NELL2: variants seen among roughly 807,000 people sequenced by gnomAD.
The protein encoded by NELL2 is protein kinase C-binding protein NELL2.
A neutral mutation model predicts 109.6 loss-of-function variants in NELL2; 41 were observed. That is an observed-to-expected ratio of 0.37 (90% CI 0.29 to 0.49). The LOEUF (loss-of-function observed/expected upper bound fraction) is 0.49, where lower values mean the gene tolerates loss of function less well. NELL2 is among the 20% of genes least tolerant of loss of function. The probability of loss-of-function intolerance (pLI) is 0.98; values close to 1 mark genes in which losing one functional copy is unlikely to be tolerated. For missense variants in NELL2, 900 were observed against 1,008.3 expected, an observed-to-expected ratio of 0.89 and a Z score of 1.45; for synonymous variants, 355 against 344.7, an observed-to-expected ratio of 1.03 and a Z score of -0.33.
At chr12:44,827,463 G>T in intron 2 of NELL2, among the ~76,000 whole-genome samples, 1 of 136,898 alleles carries the variant, frequency 7.3e-6, no homozygotes. Context: ...CTTATCACTG[G>T]CCCCCACCCA....
At chr12:44,724,946 G>C (rs1050929981) in intron 9 of NELL2, among the ~76,000 whole-genome samples, 2 of 151,782 alleles carry the variant, frequency 1.3e-5, no homozygotes, top group Admixed American at 6.6e-5. Context: ...AGAATACAGA[G>C]CCCAGAAATA....
Position 44,665,595 on chromosome 12 carries a change from C to G in NELL2, c.1333G>C (p.Ala445Pro), listed in dbSNP as rs1247938849. ...TCACGACAGTAATGGCGCCCTTCAG[C>G]ACACTCATCGATGTCTGTGAAGAAA... is the stretch of plus-strand genomic sequence containing the variant. ...NAYCEDIDEC[A>P]EGRHYCRENT... Residue 445 changes from alanine (A) to proline (P), a missense_variant, in exon 13 of 20, where the codon GCT becomes CCT. Physicochemically the swap from Ala to Pro is conservative, Grantham distance 27. This residue lies in a region of NELL2 where 292 missense variants were observed against 265.3 expected (regional missense o/e 1.10). Transcript: ENST00000429094. The G allele has an allele frequency of 5.6e-6, 9 of 1,612,792 alleles. No individual in the cohort carries two copies. In the African/African-American group the frequency reaches 1.2e-4, roughly 22 times the overall value.
chr12:44,654,150 T>C (rs573301070), intron 13 of NELL2, among the ~76,000 whole-genome samples: 2 of 152,332 alleles, frequency 1.3e-5, no homozygotes, highest in South Asian at 4.1e-4. Context: ...AATTGTACCA[T>C]ACTGTGCTGT....
chr12:44,524,313 T>C (rs969936017), intron 16 of NELL2, among the ~76,000 whole-genome samples: 10 of 152,194 alleles, frequency 6.6e-5, no homozygotes, highest in Non-Finnish European at 1.2e-4. Context: ...GGATTCATTT[T>C]TATTTACCCC....
chr12:44,587,374 A>T (rs1295694218), intron 15 of NELL2, among the ~76,000 whole-genome samples: 1 of 148,848 alleles, frequency 6.7e-6, no homozygotes, highest in Non-Finnish European at 1.5e-5. Flanking sequence ...ACTAAAAATA[A>T]CTAACGTGAT....
intron 12 of NELL2, among the ~76,000 whole-genome samples, chr12:44,685,776 G>T (rs572156494): frequency 6.6e-6 from 1 of 152,242 alleles, no homozygotes; most frequent in Admixed American, 6.5e-5. Context: ...AGTTTCTGCG[G>T]AGAGATCTGC....
Position 44,716,078 on chromosome 12 carries a change from GCAT to G in NELL2, c.995-1340_995-1338del, listed in dbSNP as rs549887428. Among the ~76,000 whole-genome samples, 378 of 152,092 alleles carry G rather than the reference GCAT, an allele frequency of 2.5e-3. 1 individual carries two copies. The highest frequency in any genetic ancestry group is 8.8e-3 in the African/African-American group (366 of 41,476). On this transcript the variant is annotated intron_variant, in intron 9 of 19. Coordinates refer to ENST00000429094, the MANE Select transcript of NELL2 (RefSeq NM_001145108.2). ...GCCTCCCAAAGTGCTGGGGTTATAG[GCAT>G]GAGCCACCATGCCTGGTCTATTCTC...
intron 12 of NELL2, among the ~76,000 whole-genome samples, chr12:44,697,808 G>C (rs113951853): frequency 0.061 from 9,260 of 152,164 alleles, 933 homozygotes; most frequent in African/African-American, 0.21. Flanking sequence ...TAGTTTTCTA[G>C]GACTGCCATA....
chr12:44,774,809 G>A lies in NELL2; in HGVS notation c.932C>T (p.Pro311Leu), dbSNP rs147408171. ...AAGAGCCGACTTAAGTGGGCAGTCA[G>A]GATTTGGGCAGATTAGAGTTTCACA... ...IQCETLICPN[P>L]DCPLKSALAY... Residue 311 changes from proline to leucine, a missense_variant, in exon 9 of 20, where the codon CCT becomes CTT. By Grantham distance (98) the Pro-to-Leu change is moderately conservative. Transcript: ENST00000429094. 1 of 1,614,018 alleles carries A rather than the reference G, an allele frequency of 6.2e-7. No homozygotes were observed. The highest frequency in any genetic ancestry group is 1.3e-5 in the African/African-American group (1 of 74,914).
At chr12:44,836,903 G>C in intron 2 of NELL2, among the ~76,000 whole-genome samples, 1 of 152,188 alleles carries the variant, frequency 6.6e-6, no homozygotes, top group South Asian at 2.1e-4. Context: ...GAGAGGAGGC[G>C]GGCATAGAGA....
intron 16 of NELL2, among the ~76,000 whole-genome samples, chr12:44,525,462 A>G (rs1188826311): frequency 1.3e-5 from 2 of 152,220 alleles, no homozygotes; most frequent in African/African-American, 4.8e-5. Flanking sequence ...AGTTTGAGTT[A>G]GTTTGAACTC....
chr12:44,624,464 C>G (rs981426761), intron 13 of NELL2, among the ~76,000 whole-genome samples: 1 of 152,098 alleles, frequency 6.6e-6, no homozygotes, highest in Non-Finnish European at 1.5e-5. Flanking sequence ...TCTAATTACA[C>G]CCAGCACCTC....
intron 9 of NELL2, among the ~76,000 whole-genome samples, chr12:44,725,734 C>T (rs914081015): frequency 1.3e-5 from 2 of 152,102 alleles, no homozygotes; most frequent in East Asian, 3.9e-4. Context: ...TTATCCTTAG[C>T]AAACTAACGC....
intron 2 of NELL2, among the ~76,000 whole-genome samples, chr12:44,830,706 G>A (rs548847060): frequency 2.0e-5 from 3 of 152,156 alleles, no homozygotes; most frequent in Admixed American, 1.3e-4. Context: ...TACAAAAAAA[G>A]AGCTCTGGGA....
rs1364544572 is a variant in NELL2 at position 44,561,130 on chromosome 12, C to T, written c.1664-28409G>A. 3.3e-5 allele frequency among the ~76,000 whole-genome samples: 5 copies of T among 152,144 alleles called. No homozygotes were observed. The South Asian group carries it at 6.2e-4, about 19-fold the overall frequency. The stretch of plus-strand genomic sequence containing the variant: ...AAAGGCCTTCAATAAAATTCAGCAC[C>T]GCTTCATGCTAAATACACTCAATAA... On this transcript the variant is annotated intron_variant, in intron 15 of 19. Coordinates refer to ENST00000429094, the MANE Select transcript of NELL2 (RefSeq NM_001145108.2).
chr12:44,864,626 C>A (rs929947994), intron 2 of NELL2, among the ~76,000 whole-genome samples: 4 of 152,138 alleles, frequency 2.6e-5, no homozygotes, highest in African/African-American at 9.7e-5. Flanking sequence ...CACTAGGGAA[C>A]TTTAATACCC....
chr12:44,852,807 A>T (rs1407873425), intron 2 of NELL2, among the ~76,000 whole-genome samples: 1 of 152,172 alleles, frequency 6.6e-6, no homozygotes, highest in Non-Finnish European at 1.5e-5. Flanking sequence ...TATGTTATCA[A>T]AGAACAATTT....
intron 3 of NELL2, among the ~76,000 whole-genome samples, chr12:44,780,481 A>ATTTT (rs983853430): frequency 6.6e-6 from 1 of 151,886 alleles, no homozygotes; most frequent in Non-Finnish European, 1.5e-5. Context: ...TAAGAAGCTT[A>ATTTT]TATTTCTACC....
In NELL2 at chr12:44,774,726, C is replaced by A. The variant is rs955497506; in HGVS notation, c.994+21G>T. The A allele has an allele frequency of 3.8e-6, 6 of 1,579,592 alleles. No homozygotes were observed. The East Asian group carries it at 9.0e-5, about 24-fold the overall frequency. On this transcript the variant is annotated intron_variant, in intron 9 of 19. Transcript: ENST00000429094. ...GCTTTATTTTTCCAAAGAAAGTATT[C>A]ATCATAAAAGTTATGCTCACATTTG...
Sources: allele counts gnomAD v4.1 joint callset (sites outside exome capture counted in the v4.1 genomes callset), GRCh38; gene constraint gnomAD v4.1.1; regional missense constraint gnomAD v4.1.1; transcripts MANE v1.5; gene names NCBI Gene and HGNC (gene_info 2026-07-23, HGNC 2026-07-21).